The following SYNE1 variants were observed in gnomAD, a reference collection of about 807,000 sequenced individuals.
SYNE1 encodes spectrin repeat containing nuclear envelope protein 1.
SYNE1 carries 616 observed loss-of-function variants against 1,111.0 expected under a neutral mutation model. The ratio of observed to expected loss-of-function variants is 0.55; its 90% CI spans 0.52 to 0.59. The LOEUF is 0.59. SYNE1 is among the 20% of genes least tolerant of loss of function. The pLI is 0.00. For synonymous variants in SYNE1, 3,855 were observed against 3,825.8 expected, an observed-to-expected ratio of 1.01 and a Z score of -0.28; for missense variants, 10,006 against 10,417.0, an observed-to-expected ratio of 0.96 and a Z score of 1.72.
rs149606474 is a variant in SYNE1 at position 152,430,609 on chromosome 6, C to T, written c.4562G>A (p.Arg1521Gln). 8.6e-5 allele frequency: 139 copies of T among 1,613,940 alleles called. No homozygotes were observed. The highest frequency in any genetic ancestry group is 1.0e-4 in the Non-Finnish European group (121 of 1,179,968). ...AQFVTTGESA[R>Q]IKAKLTQIRR... ...TATTTGTGTCAACTTGGCTTTAATTCGAGCAGATTCTCCAGTGGTAACAAA... is the reference window on the plus strand; with the variant it reads ...TATTTGTGTCAACTTGGCTTTAATTTGAGCAGATTCTCCAGTGGTAACAAA... The change falls in exon 35 of 146, where the codon CGA becomes CAA. Residue 1521 changes from arginine to glutamine, a missense_variant. Transcript: ENST00000367255.
At chr6:152,263,686 C>A (rs986842247) in intron 100 of SYNE1, among the ~76,000 whole-genome samples, 4 of 151,978 alleles carry the variant, frequency 2.6e-5, no homozygotes, top group African/African-American at 9.7e-5. Flanking sequence ...GAGTGAGCCA[C>A]CATGGCTAGC....
intron 133 of SYNE1, among the ~76,000 whole-genome samples, chr6:152,154,445 TACACACACACACACACACACACACAC>T (rs56398921): frequency 2.1e-5 from 3 of 143,176 alleles, no homozygotes; most frequent in African/African-American, 7.7e-5. Context: ...TTTTATCAAA[TACACACACACACACACACACACACAC>T]ACACACACAC....
chr6:152,425,685 T>TA (rs1339426809), intron 38 of SYNE1, 138 bp from the exon 39 acceptor site: 10 of 980,182 alleles, frequency 1.0e-5, no homozygotes, highest in African/African-American at 3.2e-5. Flanking sequence ...AGAGAGTTTT[T>TA]ATTACTTGAT....
intron 130 of SYNE1, 41 bp downstream of exon 130, chr6:152,176,353 A>T (rs570413866): frequency 6.2e-7 from 1 of 1,613,114 alleles, no homozygotes; most frequent in South Asian, 1.1e-5. Flanking sequence ...AGGCTTTAAA[A>T]TACTGCCCAC....
rs756766678 is a variant in SYNE1 at position 152,326,362 on chromosome 6, G to A, written c.15227C>T (p.Ala5076Val). ...CCTCTGGCTCCTGAGTTCCAGAGAA[G>A]CCACTTTCTGTTCTAGGTCTTCTTT... ...TGKEDLEQKV[A>V]SLELRSQRMS... The change falls in exon 79 of 146, where the codon GCT (alanine) becomes GTT (valine). Residue 5076 changes from alanine (A) to valine (V), a missense_variant. Physicochemically the swap from Ala to Val is moderately conservative, Grantham distance 64. Around this residue, in one of 7 missense-constraint regions of SYNE1, gnomAD observed 4,955 missense variants for 5,017.2 expected, o/e 0.99. Transcript: ENST00000367255. The A allele has an allele frequency of 6.2e-7, 1 of 1,614,176 alleles. No homozygotes were observed. Among genetic ancestry groups the A allele is most frequent in the Admixed American group, 1.7e-5 (1 of 60,010 alleles).
intron 3 of SYNE1, among the ~76,000 whole-genome samples, chr6:152,602,549 T>C (rs2099598688): frequency 6.6e-6 from 1 of 152,216 alleles, no homozygotes; most frequent in African/African-American, 2.4e-5. Context: ...CACAGGTACA[T>C]CTGCACAAAG....
intron 58 of SYNE1, among the ~76,000 whole-genome samples, chr6:152,374,820 A>G (rs2097252579): frequency 6.6e-6 from 1 of 151,936 alleles, no homozygotes; most frequent in Non-Finnish European, 1.5e-5. Context: ...GAAAAATAGC[A>G]CTGTGTTTCT....
At chr6:152,602,066 C>A (rs1363198059) in intron 3 of SYNE1, among the ~76,000 whole-genome samples, 1 of 152,086 alleles carries the variant, frequency 6.6e-6, no homozygotes, top group Non-Finnish European at 1.5e-5. Context: ...CTGTACTCTC[C>A]TCTCTGCCTC....
In SYNE1 at chr6:152,247,935, G is replaced by C. The variant is rs7764211; in HGVS notation, c.19572+1226C>G. Among the ~76,000 whole-genome samples, 11 of 151,154 alleles carry C rather than the reference G, an allele frequency of 7.3e-5. No homozygotes were observed. In the East Asian group the frequency reaches 1.9e-3, roughly 27 times the overall value. Reference sequence around the variant, plus strand: ...CTCTATCGTCTATCCATAGATTCCCGGGAAGTTCGCTGAAATTAAATCAGA... The same window carrying C: ...CTCTATCGTCTATCCATAGATTCCCCGGAAGTTCGCTGAAATTAAATCAGA... On this transcript the variant is annotated intron_variant, in intron 105 of 145. Coordinates refer to ENST00000367255, the MANE Select transcript of SYNE1 (RefSeq NM_182961.4).
intron 128 of SYNE1, among the ~76,000 whole-genome samples, chr6:152,183,758 A>G (rs2068832037): frequency 6.6e-6 from 1 of 152,132 alleles, no homozygotes; most frequent in South Asian, 2.1e-4. Context: ...AATATTACCT[A>G]TTACTTTCAT....
chr6:152,537,947 G>T (rs756749233), intron 4 of SYNE1, among the ~76,000 whole-genome samples: 6 of 152,098 alleles, frequency 3.9e-5, no homozygotes, highest in Non-Finnish European at 7.4e-5. Context: ...TAAACGGTTT[G>T]GTTGTCAGTT....
chr6:152,203,283 C>A (rs2075875501), intron 126 of SYNE1, among the ~76,000 whole-genome samples: 1 of 152,088 alleles, frequency 6.6e-6, no homozygotes, highest in Non-Finnish European at 1.5e-5. Flanking sequence ...TGACAGGAAC[C>A]ACAGCAGAGC....
chr6:152,188,349 G>A (rs2070858198), intron 128 of SYNE1, among the ~76,000 whole-genome samples: 1 of 152,066 alleles, frequency 6.6e-6, no homozygotes. Flanking sequence ...TCTTTGCCTA[G>A]GATGTCTTCT....
rs2097134801 is a variant in SYNE1, at chr6:152,369,107, G to C, written c.9672C>G (p.His3224Gln). The stretch of plus-strand genomic sequence containing the variant: ...GCCTGTTGAGCTGAGGCTCGTAGCA[G>C]TGTATTTCCTCAAGGACAGACTGAA... ...QKLQSVLEEIHCYEPQLNRLK... is the reference protein window; with the variant it reads ...QKLQSVLEEIQCYEPQLNRLK... Residue 3224 changes from histidine to glutamine, a missense_variant, in exon 61 of 146, where the codon CAC (histidine) becomes CAG (glutamine). By Grantham distance (24) the His-to-Gln change is conservative (BLOSUM62 0). Coordinates refer to ENST00000367255, the MANE Select transcript of SYNE1 (RefSeq NM_182961.4). The C allele has an allele frequency of 6.2e-7, 1 of 1,613,646 alleles. No individual in the cohort carries two copies. The highest frequency in any genetic ancestry group is 1.3e-5 in the African/African-American group (1 of 74,924).
rs370890411 is a variant in SYNE1 at position 152,330,630 on chromosome 6, C to T, written c.14055G>A (p.Gln4685=). The T allele has an allele frequency of 2.1e-5, 34 of 1,613,506 alleles. No homozygotes were observed. In the African/African-American group the frequency reaches 4.5e-4, roughly 22 times the overall value. Residue 4685 remains glutamine (Q), a synonymous_variant, in exon 78 of 146, where the codon CAG becomes CAA. Coordinates refer to ENST00000367255, the MANE Select transcript of SYNE1 (RefSeq NM_182961.4). The part of the protein sequence containing the change: ...EYASLIELTT[Q]SLSELEAQFL... Reference sequence around the variant, plus strand: ...ATTGGGCTTCAAGTTCACTCAGAGACTGGGTTGTCAACTCAATCAAGGAAG... The same window carrying T: ...ATTGGGCTTCAAGTTCACTCAGAGATTGGGTTGTCAACTCAATCAAGGAAG...
chr6:152,450,593 A>T (rs1015293892), intron 27 of SYNE1, 32 bp downstream of exon 27: 13 of 1,564,322 alleles, frequency 8.3e-6, no homozygotes, highest in Non-Finnish European at 1.1e-5. Context: ...AAGTTTGACT[A>T]CACCCCTCTC....
In SYNE1 at chr6:152,343,366, C is replaced by A. The variant is rs1336195887; in HGVS notation, c.12225+715G>T. Among the ~76,000 whole-genome samples, 6 of 151,550 alleles carry A rather than the reference C, an allele frequency of 4.0e-5. 1 individual carries two copies. Among genetic ancestry groups the A allele is most frequent in the East Asian group, 3.9e-4 (2 of 5,160 alleles). On this transcript the variant is annotated intron_variant, in intron 74 of 145. Transcript: ENST00000367255. ...TAGAGATGAGGTTTCACCATGTTGG[C>A]CAGGATGGTCTTGCACTCTTGAAAC... is the stretch of plus-strand genomic sequence containing the variant.
intron 103 of SYNE1, 85 bp downstream of exon 103, chr6:152,255,506 C>G: frequency 6.9e-7 from 1 of 1,454,826 alleles, no homozygotes; most frequent in South Asian, 1.1e-5. Context: ...GTTTGACTTT[C>G]TTTATGCATA....
chr6:152,622,751 G>A (rs968477281), intron 3 of SYNE1, among the ~76,000 whole-genome samples: 4 of 152,088 alleles, frequency 2.6e-5, no homozygotes, highest in African/African-American at 9.7e-5. Flanking sequence ...CTTTATAATA[G>A]AATGATTTAT....
Sources: allele counts gnomAD v4.1 joint callset (sites outside exome capture counted in the v4.1 genomes callset), GRCh38; gene constraint gnomAD v4.1.1; regional missense constraint gnomAD v4.1.1; transcripts MANE v1.5; gene names NCBI Gene and HGNC (gene_info 2026-07-23, HGNC 2026-07-21).